ADCY8: variants seen among roughly 807,000 people sequenced by gnomAD.
ADCY8 encodes adenylate cyclase type 8.
A neutral mutation model predicts 119.7 loss-of-function variants in ADCY8; 51 were observed. The ratio of observed to expected loss-of-function variants is 0.43; its 90% CI spans 0.34 to 0.54. ADCY8 has a LOEUF of 0.54. ADCY8 is among the 20% of genes least tolerant of loss of function. ADCY8 has a pLI of 0.03. For missense variants in ADCY8, 1,383 were observed against 1,598.8 expected (o/e 0.87, Z 2.30); for synonymous variants, 665 against 651.0 (o/e 1.02, Z -0.33).
intron 7 of ADCY8, among the ~76,000 whole-genome samples, chr8:130,887,688 G>C (rs1380925158): frequency 6.6e-6 from 1 of 152,088 alleles, no homozygotes; most frequent in East Asian, 1.9e-4. Flanking sequence ...AGGGACATCA[G>C]GAAATCATCT....
At chr8:130,790,583 T>A (rs1037739448) in intron 15 of ADCY8, among the ~76,000 whole-genome samples, 1 of 152,220 alleles carries the variant, frequency 6.6e-6, no homozygotes. Flanking sequence ...GAGTTTGCAG[T>A]TGAGGCTTTT....
At chr8:130,985,473 C>T (rs12678403) in intron 2 of ADCY8, among the ~76,000 whole-genome samples, 28,000 of 152,040 alleles carry the variant, frequency 0.18, 4,791 homozygotes, top group African/African-American at 0.45. Flanking sequence ...TAAGGCTGAA[C>T]ATGATGGGTG....
chr8:130,814,692 G>C (rs1158571422), intron 13 of ADCY8, among the ~76,000 whole-genome samples: 2 of 152,214 alleles, frequency 1.3e-5, no homozygotes, highest in African/African-American at 4.8e-5. Flanking sequence ...GCAGGCAAGT[G>C]AGAGCTTGTG....
intron 17 of ADCY8, among the ~76,000 whole-genome samples, chr8:130,781,659 G>A (rs113263650): frequency 4.6e-5 from 7 of 152,116 alleles, no homozygotes; most frequent in African/African-American, 1.4e-4. Context: ...CTTCCAGCCA[G>A]TACCCACCTT....
intron 1 of ADCY8, among the ~76,000 whole-genome samples, chr8:130,994,110 G>T (rs1822690066): frequency 1.3e-5 from 2 of 152,244 alleles, no homozygotes; most frequent in Non-Finnish European, 2.9e-5. Flanking sequence ...TGTTCAGCCA[G>T]AATTGTGTAA....
In ADCY8 at chr8:130,781,126, A is replaced by T. The variant is rs114230052; in HGVS notation, c.3269-249T>A. On this transcript the variant is annotated intron_variant, in intron 17 of 17. Coordinates refer to ENST00000286355, the MANE Select transcript of ADCY8 (RefSeq NM_001115.3). The stretch of plus-strand genomic sequence containing the variant: ...AGATTTAATGAGATAATACAAGTAA[A>T]GCCACTGTGGCATGGTGCCTGGCAA... Among the ~76,000 whole-genome samples the T allele has an allele frequency of 7.3e-3, 1,118 of 152,292 alleles. 14 individuals carry two copies. Among genetic ancestry groups the T allele is most frequent in the African/African-American group, 0.025 (1,059 of 41,560 alleles).
intron 15 of ADCY8, among the ~76,000 whole-genome samples, chr8:130,785,811 G>A (rs1308631946): frequency 6.6e-6 from 1 of 152,172 alleles, no homozygotes; most frequent in African/African-American, 2.4e-5. Context: ...ACTGTGACTT[G>A]CAAGGCTTGC....
intron 11 of ADCY8, among the ~76,000 whole-genome samples, chr8:130,840,785 C>T (rs886892178): frequency 1.3e-5 from 2 of 151,948 alleles, no homozygotes; most frequent in Non-Finnish European, 2.9e-5. Flanking sequence ...TCTGTTTTTT[C>T]CCAGACCTTT....
At chr8:131,009,426 G>A (rs1823230570) in intron 1 of ADCY8, among the ~76,000 whole-genome samples, 1 of 152,158 alleles carries the variant, frequency 6.6e-6, no homozygotes, top group Non-Finnish European at 1.5e-5. Flanking sequence ...TCTCATGATA[G>A]TGAGTGAGTC....
chr8:130,847,876 C>T (rs1817382203), intron 10 of ADCY8, among the ~76,000 whole-genome samples: 1 of 152,122 alleles, frequency 6.6e-6, no homozygotes. Context: ...AGCCTGTCTC[C>T]AGATCAACAG....
At chr8:131,003,921 A>G (rs1030209415) in intron 1 of ADCY8, among the ~76,000 whole-genome samples, 2 of 152,030 alleles carry the variant, frequency 1.3e-5, no homozygotes, top group African/African-American at 4.8e-5. Flanking sequence ...GAAATTAACT[A>G]TGTGGTTGGC....
intron 1 of ADCY8, among the ~76,000 whole-genome samples, chr8:131,019,933 T>C (rs1371499135): frequency 6.6e-6 from 1 of 151,728 alleles, no homozygotes; most frequent in African/African-American, 2.4e-5. Flanking sequence ...AATTGAGTTG[T>C]GACTTAAGAG....
intron 15 of ADCY8, among the ~76,000 whole-genome samples, chr8:130,799,493 G>GT (rs903536444): frequency 1.1e-4 from 17 of 151,388 alleles, no homozygotes; most frequent in Non-Finnish European, 1.5e-4. Flanking sequence ...TGTAGTAGTT[G>GT]TTTTTTTTTC....
chr8:130,995,125 T>C (rs1209560742), intron 1 of ADCY8, among the ~76,000 whole-genome samples: 1 of 152,222 alleles, frequency 6.6e-6, no homozygotes, highest in East Asian at 1.9e-4. Context: ...ATATTTCTAC[T>C]CATGAGTTCA....
chr8:130,824,150 C>T (rs1311323732), intron 12 of ADCY8, among the ~76,000 whole-genome samples: 1 of 152,088 alleles, frequency 6.6e-6, no homozygotes, highest in Non-Finnish European at 1.5e-5. Flanking sequence ...CACATTTGAC[C>T]CCGAATTTTT....
At chr8:130,893,526 GT>G (rs1819264196) in intron 7 of ADCY8, among the ~76,000 whole-genome samples, 1 of 152,176 alleles carries the variant, frequency 6.6e-6, no homozygotes, top group Non-Finnish European at 1.5e-5. Flanking sequence ...ATGACCTTGG[GT>G]TGGCAACCTG....
chr8:131,023,586 TA>T (rs1243911515), intron 1 of ADCY8, among the ~76,000 whole-genome samples: 2 of 152,196 alleles, frequency 1.3e-5, no homozygotes, highest in African/African-American at 4.8e-5. Flanking sequence ...GCCACTATTC[TA>T]AAAATCTTTT....
intron 2 of ADCY8, 35 bp from the exon 3 acceptor site, chr8:130,952,033 T>C: frequency 6.2e-7 from 1 of 1,609,490 alleles, no homozygotes. Context: ...CCTGTTAGGC[T>C]GACCAGCGAG....
chr8:130,874,623 G>A (rs767422884), intron 8 of ADCY8, among the ~76,000 whole-genome samples: 1 of 152,130 alleles, frequency 6.6e-6, no homozygotes, highest in Non-Finnish European at 1.5e-5. Context: ...TAAGATTGAT[G>A]GGCTTCAGAA....
Sources: gnomAD v4.1 joint callset for allele counts (sites outside exome capture counted in the v4.1 genomes callset) on GRCh38, gnomAD v4.1.1 for gene constraint, MANE v1.5 for transcripts, NCBI Gene and HGNC (gene_info 2026-07-23, HGNC 2026-07-21) for gene names.